The following SACS variants were observed in gnomAD, a reference collection of about 807,000 sequenced individuals.
SACS encodes the protein sacsin.
A neutral mutation model predicts 348.0 loss-of-function variants in SACS; 197 were observed. The observed-to-expected ratio is 0.57, with a 90% CI of 0.50 to 0.64. SACS has a LOEUF of 0.64. SACS is among the 30% of genes least tolerant of loss of function. The probability of loss-of-function intolerance (pLI) is 0.00; values close to 1 mark genes in which losing one functional copy is unlikely to be tolerated. For synonymous variants in SACS, 1,985 were observed against 1,910.6 expected (o/e 1.04, Z -1.02); for missense variants, 4,999 against 5,360.8 (o/e 0.93, Z 2.11).
chr13:23,394,747 C>T (rs1416289082), intron 2 of SACS, among the ~76,000 whole-genome samples: 1 of 152,024 alleles, frequency 6.6e-6, no homozygotes, highest in African/African-American at 2.4e-5. Flanking sequence ...CCCAGCTACT[C>T]GGGAGGCTGA....
At chr13:23,380,292 G>A (rs1872003097) in intron 2 of SACS, among the ~76,000 whole-genome samples, 1 of 152,102 alleles carries the variant, frequency 6.6e-6, no homozygotes, top group Non-Finnish European at 1.5e-5. Flanking sequence ...AGCGCCCTCT[G>A]AGCACTGCTT....
intron 2 of SACS, among the ~76,000 whole-genome samples, chr13:23,379,638 T>A (rs1265167962): frequency 6.6e-6 from 1 of 152,212 alleles, no homozygotes; most frequent in African/African-American, 2.4e-5. Context: ...AAACGTTAAC[T>A]GTGCACACTG....
At chr13:23,356,156 A>AC in intron 7 of SACS, 149 bp from the exon 8 acceptor site, 2 of 697,864 alleles carry the variant, frequency 2.9e-6, no homozygotes, top group Non-Finnish European at 4.8e-6. Flanking sequence ...TCAGAAATGT[A>AC]ATTCTCTGAA....
chr13:23,363,014 T>C (rs899073024), intron 6 of SACS, among the ~76,000 whole-genome samples: 2 of 143,898 alleles, frequency 1.4e-5, no homozygotes, highest in Non-Finnish European at 1.5e-5. Flanking sequence ...GGTTCAAGGG[T>C]TCTCCTGCCT....
chr13:23,382,408 T>TA (rs1872095355), intron 2 of SACS, among the ~76,000 whole-genome samples: 1 of 152,202 alleles, frequency 6.6e-6, no homozygotes, highest in Non-Finnish European at 1.5e-5. Flanking sequence ...ACAATTGAAT[T>TA]GAAGCTTCAT....
At chr13:23,358,897 C>T (rs796459996) in intron 6 of SACS, among the ~76,000 whole-genome samples, 5 of 151,926 alleles carry the variant, frequency 3.3e-5, no homozygotes, top group Admixed American at 6.6e-5. Context: ...ATGGGCTGGG[C>T]GCAGTGGCTC....
At chr13:23,403,058 A>T (rs1311291768) in intron 2 of SACS, among the ~76,000 whole-genome samples, 1 of 152,042 alleles carries the variant, frequency 6.6e-6, no homozygotes, top group Non-Finnish European at 1.5e-5. Context: ...GATGCCCGTA[A>T]TCCCAGCTAC....
intron 3 of SACS, among the ~76,000 whole-genome samples, chr13:23,372,322 T>A (rs191701175): frequency 1.3e-5 from 2 of 152,316 alleles, no homozygotes; most frequent in East Asian, 3.9e-4. Context: ...TAGAACAGTA[T>A]CTGTAACACA....
intron 2 of SACS, among the ~76,000 whole-genome samples, chr13:23,388,769 A>C (rs1221477628): frequency 6.6e-6 from 1 of 151,930 alleles, no homozygotes; most frequent in Non-Finnish European, 1.5e-5. Context: ...AAAAAACTAC[A>C]TATTGGGTAT....
Position 23,336,351 on chromosome 13 carries a change from ATCTT to A in SACS, c.7521_7524del (p.Glu2507AspfsTer21), listed in dbSNP as rs1057516438. ...GTTGTAAAACAGACATTGGATGCAT[ATCTT>A]TCTAAGGCTTTGTGTCGCTTTGGGA... On this transcript the variant is annotated frameshift_variant, in exon 10 of 10. Transcript: ENST00000382292. LOFTEE classifies it high-confidence loss of function. 1 of 1,614,076 alleles carries A rather than the reference ATCTT, an allele frequency of 6.2e-7. No individual in the cohort carries two copies. Among genetic ancestry groups the A allele is most frequent in the Non-Finnish European group, 8.5e-7 (1 of 1,179,962 alleles).
chr13:23,384,094 CCTT>C (rs1872177038), intron 2 of SACS, among the ~76,000 whole-genome samples: 1 of 152,174 alleles, frequency 6.6e-6, no homozygotes, highest in Admixed American at 6.5e-5. Flanking sequence ...TAGAAACACT[CCTT>C]CACATTTCAG....
chr13:23,357,265 C>G (rs1042385154), intron 7 of SACS, among the ~76,000 whole-genome samples: 1 of 152,172 alleles, frequency 6.6e-6, no homozygotes, highest in African/African-American at 2.4e-5. Flanking sequence ...CTACATGGCA[C>G]AGACTTGTGG....
intron 9 of SACS, among the ~76,000 whole-genome samples, chr13:23,344,914 T>C (rs1593137081): frequency 6.6e-6 from 1 of 152,336 alleles, no homozygotes; most frequent in East Asian, 1.9e-4. Context: ...TTTTTTATTG[T>C]TTACATTTAT....
chr13:23,375,128 G>A lies in SACS; in HGVS notation c.162C>T (p.Gly54=), dbSNP rs1378457169. 6.7e-7 allele frequency: 1 copy of A among 1,496,282 alleles called. No individual in the cohort carries two copies. The highest frequency in any genetic ancestry group is 1.5e-5 in the African/African-American group (1 of 68,418). 92.7% of individuals were successfully genotyped at this position (1,496,282 alleles called of 1,614,324 possible). ...CCCGGCCACCGCCTACCTCGCGGCC[G>A]CCGCGCCACAGCCGCTGCTCCGACA... is the stretch of plus-strand genomic sequence containing the variant. ...FPVSEQRLWR[G]GRELSDWIKI... Residue 54 remains glycine (G), a synonymous_variant, in exon 3 of 10, where the codon GGC becomes GGT. Transcript: ENST00000382292.
chr13:23,382,069 TATA>T (rs1207637399), intron 2 of SACS, among the ~76,000 whole-genome samples: 1 of 152,244 alleles, frequency 6.6e-6, no homozygotes, highest in Non-Finnish European at 1.5e-5. Flanking sequence ...GTAGAACAAT[TATA>T]GTAGTTGGCA....
At chr13:23,357,774 CAT>C in intron 7 of SACS, among the ~76,000 whole-genome samples, 1 of 152,184 alleles carries the variant, frequency 6.6e-6, no homozygotes, top group Non-Finnish European at 1.5e-5. Context: ...CCAGAAACCT[CAT>C]ATTCTTTCTA....
In SACS at chr13:23,335,468, G is replaced by A. The variant is rs886921776; in HGVS notation, c.8408C>T (p.Thr2803Ile). 1 of 1,613,510 alleles carries A rather than the reference G, an allele frequency of 6.2e-7. No homozygotes were observed. The highest frequency in any genetic ancestry group is 1.7e-5 in the Admixed American group (1 of 59,994). Residue 2803 changes from threonine to isoleucine, a missense_variant, in exon 10 of 10, where the codon ACC becomes ATC. By Grantham distance (89) the Thr-to-Ile change is moderately conservative. Around this residue, in one of 6 missense-constraint regions of SACS, gnomAD observed 3,156 missense variants for 3,380.1 expected, o/e 0.93. Coordinates refer to ENST00000382292, the MANE Select transcript of SACS (RefSeq NM_014363.6). This position sits in a 1 kb window ranked among gnomAD's most constrained non-coding sequence, Gnocchi z 4.7. ...QLKDIPVQQI[T>I]YTMDTEDSEG... ...AGAGTCCTCAGTATCCATAGTATAGGTTATTTGTTGAACTGGTATGTCTTT... is the reference window on the plus strand; with the variant it reads ...AGAGTCCTCAGTATCCATAGTATAGATTATTTGTTGAACTGGTATGTCTTT...
intron 1 of SACS, chr13:23,426,946 C>T (rs1251375504): frequency 2.0e-5 from 3 of 152,154 alleles, no homozygotes; most frequent in African/African-American, 7.2e-5. Flanking sequence ...TTTCCTTCTT[C>T]CTCCTTCTCT....
At chr13:23,382,559 C>A (rs1872104063) in intron 2 of SACS, among the ~76,000 whole-genome samples, 2 of 152,078 alleles carry the variant, frequency 1.3e-5, no homozygotes, top group South Asian at 4.1e-4. Context: ...GTTTCTGAAT[C>A]ATCAAAAATG....
Sources: gnomAD v4.1 joint callset for allele counts (sites outside exome capture counted in the v4.1 genomes callset) on GRCh38, gnomAD v4.1.1 for gene constraint, gnomAD v4.1.1 regional missense constraint, Gnocchi (gnomAD v3.1) non-coding constraint, MANE v1.5 for transcripts, NCBI Gene and HGNC (gene_info 2026-07-23, HGNC 2026-07-21) for gene names.